Variants in ARPC2 observed in about 807,000 individuals in gnomAD.
ARPC2 encodes the protein actin-related protein 2/3 complex subunit 2.
A neutral mutation model predicts 38.6 loss-of-function variants in ARPC2; 4 were observed. The observed-to-expected ratio is 0.10, with a 90% CI of 0.05 to 0.24. The LOEUF is 0.24. Ranked by LOEUF, ARPC2 falls within the 10% of genes least tolerant of loss-of-function variation. The pLI, the probability that ARPC2 is intolerant of heterozygous loss-of-function variation, is 1.00. For missense variants in ARPC2, 229 were observed against 387.3 expected (o/e 0.59, Z 3.43); for synonymous variants, 125 against 140.8 (o/e 0.89, Z 0.79).
At chr2:218,226,626 C>CAAAAAAAAAA (rs34789459) in intron 3 of ARPC2, among the ~76,000 whole-genome samples, 2 of 61,462 alleles carry the variant, frequency 3.3e-5, no homozygotes, top group African/African-American at 6.7e-5. Flanking sequence ...GACTCCATCT[C>CAAAAAAAAAA]AAAAAAAAAA....
At chr2:218,219,202 G>T (rs746585669) in intron 2 of ARPC2, among the ~76,000 whole-genome samples, 5 of 152,156 alleles carry the variant, frequency 3.3e-5, no homozygotes, top group South Asian at 4.1e-4. Flanking sequence ...ATCTATTTGT[G>T]TATTAATGAC....
chr2:218,249,552 C>A, intron 9 of ARPC2, 88 bp downstream of exon 9: 1 of 1,051,328 alleles, frequency 9.5e-7, no homozygotes, highest in Non-Finnish European at 1.4e-6. Context: ...CATTAGTCTA[C>A]GCTGTGGATA....
In ARPC2 at chr2:218,254,123, AAG is replaced by A. The variant is rs1690261520; in HGVS notation, c.*210_*211del. ...TCCCAAGAATTAAAAAAAAAAAAAA[AAG>A]AATTCCACTTGATCAACTTAATTCC... On this transcript the variant is annotated 3_prime_UTR_variant, in exon 11 of 11. Coordinates refer to ENST00000315717, the MANE Select transcript of ARPC2 (RefSeq NM_152862.3). The A allele has an allele frequency of 1.9e-6, 1 of 537,490 alleles. No individual in the cohort carries two copies. Among genetic ancestry groups the A allele is most frequent in the Non-Finnish European group, 3.2e-6 (1 of 315,026 alleles). The allele number at this position is 537,490 out of a possible 1,614,324, so 33.3% of individuals were successfully genotyped here. A position where few individuals can be genotyped will look rare whatever the true frequency, so the allele number is the denominator to read the frequency against.
chr2:218,251,779 T>C (rs2106161626), intron 10 of ARPC2, among the ~76,000 whole-genome samples: 1 of 152,060 alleles, frequency 6.6e-6, no homozygotes, highest in East Asian at 1.9e-4. Flanking sequence ...TGAGGCAAAG[T>C]TTTAGTGGGT....
At chr2:218,218,630 G>T (rs10178462) in intron 2 of ARPC2, among the ~76,000 whole-genome samples, 15,082 of 152,268 alleles carry the variant, frequency 0.099, 1,680 homozygotes, top group African/African-American at 0.27. Context: ...CGTTTCTGGT[G>T]AACTGGGAAC....
chr2:218,240,240 A>T (rs1392556810), intron 7 of ARPC2, among the ~76,000 whole-genome samples: 2 of 152,112 alleles, frequency 1.3e-5, no homozygotes, highest in East Asian at 3.9e-4. Context: ...GGCATGAGCC[A>T]CCGCGCCCAG....
chr2:218,231,123 G>A (rs554759427), intron 4 of ARPC2, among the ~76,000 whole-genome samples: 1 of 152,264 alleles, frequency 6.6e-6, no homozygotes, highest in African/African-American at 2.4e-5. Flanking sequence ...CCACAGGAAG[G>A]TTATTACTTT....
intron 7 of ARPC2, among the ~76,000 whole-genome samples, chr2:218,239,726 TG>T (rs1689865269): frequency 6.6e-6 from 1 of 151,858 alleles, no homozygotes; most frequent in African/African-American, 2.4e-5. Flanking sequence ...CCTGAGTAGC[TG>T]GGATTGTAGG....
intron 5 of ARPC2, among the ~76,000 whole-genome samples, chr2:218,237,848 G>A (rs1323715278): frequency 6.6e-5 from 10 of 152,178 alleles, no homozygotes; most frequent in Non-Finnish European, 4.4e-5. Context: ...GATTACAGGT[G>A]TGAGCCACCA....
At chr2:218,236,952 C>T (rs576424269) in intron 5 of ARPC2, among the ~76,000 whole-genome samples, 1 of 152,266 alleles carries the variant, frequency 6.6e-6, no homozygotes, top group Non-Finnish European at 1.5e-5. Context: ...TAGAAATATT[C>T]TTGCAAAAAC....
chr2:218,242,797 T>TAAGA lies in ARPC2; in HGVS notation c.550-2623_550-2622insAAGA, dbSNP rs748924933. Reference sequence around the variant, plus strand: ...GATTTTCTTATGAAGTGTCTCTTTATGTCCTTTACCCATTATTCTGTAGGG... The same window carrying TAAGA: ...GATTTTCTTATGAAGTGTCTCTTTATAAGAGTCCTTTACCCATTATTCTGTAGGG... On this transcript the variant is annotated intron_variant, in intron 7 of 10. Coordinates refer to ENST00000315717, the MANE Select transcript of ARPC2 (RefSeq NM_152862.3). 5.3e-5 allele frequency among the ~76,000 whole-genome samples: 8 copies of TAAGA among 152,364 alleles called. No homozygotes were observed. The East Asian group carries it at 9.6e-4, about 18-fold the overall frequency.
intron 1 of ARPC2, 31 bp from the exon 2 acceptor site, chr2:218,217,432 C>T: frequency 7.5e-6 from 12 of 1,609,110 alleles, no homozygotes; most frequent in Non-Finnish European, 1.0e-5. Context: ...CCACCCTCAC[C>T]GGCCCTTGTT....
At chr2:218,220,795 C>T (rs1298801782) in intron 2 of ARPC2, among the ~76,000 whole-genome samples, 2 of 152,064 alleles carry the variant, frequency 1.3e-5, no homozygotes, top group Non-Finnish European at 2.9e-5. Context: ...TCATTCCAAA[C>T]AGATTGCTTT....
rs374820729 is a variant in ARPC2 at position 218,217,553 on chromosome 2, G to T, written c.74+9G>T. ...GAGAACGCGGCCGCCGGGTGAGCGC[G>T]CGCCCGGGGCCGGGGGTGGCGGGGG... On this transcript the variant is annotated intron_variant, in intron 2 of 10. Coordinates refer to ENST00000315717, the MANE Select transcript of ARPC2 (RefSeq NM_152862.3). 1 of 1,609,058 alleles carries T rather than the reference G, an allele frequency of 6.2e-7. No homozygotes were observed. The highest frequency in any genetic ancestry group is 1.3e-5 in the African/African-American group (1 of 74,826).
At chr2:218,222,199 G>A (rs527808005) in intron 2 of ARPC2, among the ~76,000 whole-genome samples, 51 of 152,208 alleles carry the variant, frequency 3.4e-4, no homozygotes, top group African/African-American at 9.6e-4. Flanking sequence ...CCCAGGAGGC[G>A]GAGGTTGCAG....
At chr2:218,231,729 G>A (rs1689638421) in intron 4 of ARPC2, among the ~76,000 whole-genome samples, 1 of 152,154 alleles carries the variant, frequency 6.6e-6, no homozygotes, top group African/African-American at 2.4e-5. Flanking sequence ...TTTTGCCCTT[G>A]TGTAAGAAAA....
At chr2:218,252,447 G>A (rs1690214524) in intron 10 of ARPC2, among the ~76,000 whole-genome samples, 1 of 152,184 alleles carries the variant, frequency 6.6e-6, no homozygotes, top group Non-Finnish European at 1.5e-5. Flanking sequence ...CTCCATCCTG[G>A]TGTCTACATT....
intron 2 of ARPC2, among the ~76,000 whole-genome samples, chr2:218,223,750 C>G (rs1689434780): frequency 6.6e-6 from 1 of 152,164 alleles, no homozygotes; most frequent in African/African-American, 2.4e-5. Flanking sequence ...TTTTCTCACC[C>G]CCAGCATCTG....
At chr2:218,232,479 A>G (rs552701326) in intron 4 of ARPC2, among the ~76,000 whole-genome samples, 1 of 152,042 alleles carries the variant, frequency 6.6e-6, no homozygotes, top group South Asian at 2.1e-4. Context: ...GCATCTGGCA[A>G]GGGCCTTCGT....
Sources: allele counts gnomAD v4.1 joint callset (sites outside exome capture counted in the v4.1 genomes callset), GRCh38; gene constraint gnomAD v4.1.1; transcripts MANE v1.5; gene names NCBI Gene and HGNC (gene_info 2026-07-23, HGNC 2026-07-21).